Variants in TTC7A observed in about 807,000 individuals in gnomAD.
TTC7A encodes tetratricopeptide repeat domain 7A.
In TTC7A, 110 loss-of-function variants were observed where a neutral mutation model predicts 103.7. That is an observed-to-expected ratio of 1.06 (90% CI 0.91 to 1.24). TTC7A has a LOEUF of 1.24. Ranked by LOEUF, TTC7A falls within the 50% of genes most tolerant of loss-of-function variation. The pLI, the probability that TTC7A is intolerant of heterozygous loss-of-function variation, is 0.00. For synonymous variants in TTC7A, 521 were observed against 467.9 expected, an observed-to-expected ratio of 1.11 and a Z score of -1.47; for missense variants, 1,340 against 1,116.3, an observed-to-expected ratio of 1.20 and a Z score of -2.86.
intron 6 of TTC7A, 115 bp downstream of exon 6, chr2:46,993,643 T>C: frequency 2.1e-6 from 2 of 938,740 alleles, no homozygotes; most frequent in Non-Finnish European, 3.4e-6. Flanking sequence ...TCCTGCCTGC[T>C]TGTGGCAGAG....
chr2:47,047,904 G>A (rs1262450927), intron 16 of TTC7A, among the ~76,000 whole-genome samples: 1 of 152,182 alleles, frequency 6.6e-6, no homozygotes, highest in Non-Finnish European at 1.5e-5. Flanking sequence ...CCTGTCTCCT[G>A]GGAAAGCCAG....
chr2:47,000,995 C>T (rs748752979), intron 8 of TTC7A, among the ~76,000 whole-genome samples: 11 of 152,100 alleles, frequency 7.2e-5, no homozygotes, highest in Non-Finnish European at 1.2e-4. Context: ...ACAGAAGGAG[C>T]CAGGAGTGAA....
chr2:46,924,697 G>C (rs916987790), intron 2 of TTC7A, among the ~76,000 whole-genome samples: 1 of 152,132 alleles, frequency 6.6e-6, no homozygotes, highest in Non-Finnish European at 1.5e-5. Flanking sequence ...TGCGATCTCA[G>C]CACACTGCAG....
chr2:46,927,355 AT>A (rs60808815), intron 2 of TTC7A, among the ~76,000 whole-genome samples: 15,324 of 132,858 alleles, frequency 0.12, 1,049 homozygotes, highest in African/African-American at 0.25. Context: ...AGAAAAAAAG[AT>A]TTTTTTTTTT....
intron 5 of TTC7A, among the ~76,000 whole-genome samples, chr2:46,987,527 G>A (rs1394626364): frequency 6.6e-6 from 1 of 152,212 alleles, no homozygotes; most frequent in Admixed American, 6.5e-5. Context: ...GAGTGGGCAA[G>A]AGCCCATTTC....
chr2:47,028,094 AG>A (rs1421712537), intron 14 of TTC7A, among the ~76,000 whole-genome samples: 19 of 152,126 alleles, frequency 1.2e-4, no homozygotes. Context: ...TTTTGCATCC[AG>A]GGGACTCTTG....
At chr2:47,043,870 A>C (rs575470749) in intron 15 of TTC7A, among the ~76,000 whole-genome samples, 24 of 152,316 alleles carry the variant, frequency 1.6e-4, no homozygotes, top group Non-Finnish European at 3.4e-4. Context: ...CTCAGTTTTC[A>C]TCCACTTCTT....
At chr2:46,919,758 A>C (rs978372076) in intron 2 of TTC7A, among the ~76,000 whole-genome samples, 1 of 152,212 alleles carries the variant, frequency 6.6e-6, no homozygotes, top group South Asian at 2.1e-4. Flanking sequence ...AGAGGAAAAA[A>C]CAAGGGTGCG....
intron 8 of TTC7A, among the ~76,000 whole-genome samples, chr2:46,997,905 C>G (rs1676378272): frequency 6.6e-6 from 1 of 152,142 alleles, no homozygotes; most frequent in Non-Finnish European, 1.5e-5. Context: ...CACCCACCCC[C>G]AAACCCTCCA....
At chr2:46,984,924 G>A (rs1234054360) in intron 5 of TTC7A, among the ~76,000 whole-genome samples, 1 of 152,140 alleles carries the variant, frequency 6.6e-6, no homozygotes, top group East Asian at 1.9e-4. Context: ...TAGTGACAGC[G>A]GGGAGCATAG....
At chr2:47,023,821 T>TCAC (rs985209358) in intron 13 of TTC7A, among the ~76,000 whole-genome samples, 1 of 152,002 alleles carries the variant, frequency 6.6e-6, no homozygotes, top group African/African-American at 2.4e-5. Flanking sequence ...AAAATGGCAT[T>TCAC]CACCTCCTTC....
chr2:46,959,554 T>C (rs913755421), intron 3 of TTC7A, among the ~76,000 whole-genome samples: 55 of 152,240 alleles, frequency 3.6e-4, no homozygotes, highest in African/African-American at 1.3e-3. Flanking sequence ...AACATGGAGC[T>C]GCTGTTCTTT....
At chr2:46,935,818 G>A (rs901991442) in intron 2 of TTC7A, among the ~76,000 whole-genome samples, 3 of 152,132 alleles carry the variant, frequency 2.0e-5, no homozygotes, top group Non-Finnish European at 4.4e-5. Flanking sequence ...TTTTAGGTGT[G>A]ATGGCTCACA....
chr2:47,000,495 C>T lies in TTC7A; in HGVS notation c.1065+5296C>T, dbSNP rs552085711. Among the ~76,000 whole-genome samples the T allele has an allele frequency of 2.6e-5, 4 of 152,314 alleles. No homozygotes were observed. In the East Asian group the frequency reaches 5.8e-4, roughly 22 times the overall value. ...TGTTTTTTCTGCTGCAGGAACCTGA[C>T]GCAGCAGGAGCTCGGAGGCTGGCGT... On this transcript the variant is annotated intron_variant, in intron 8 of 19. Coordinates refer to ENST00000319190, the MANE Select transcript of TTC7A (RefSeq NM_020458.4).
At chr2:46,967,084 G>A (rs574588853) in intron 3 of TTC7A, among the ~76,000 whole-genome samples, 87 of 152,024 alleles carry the variant, frequency 5.7e-4, no homozygotes, top group Non-Finnish European at 9.7e-4. Context: ...GTGGTGGCGC[G>A]TGCCTGTAAT....
chr2:47,064,921 C>T (rs1347476258), intron 19 of TTC7A, among the ~76,000 whole-genome samples: 1 of 152,176 alleles, frequency 6.6e-6, no homozygotes, highest in Admixed American at 6.5e-5. Context: ...CAAGGAAAAA[C>T]AAACAGAACT....
intron 19 of TTC7A, among the ~76,000 whole-genome samples, chr2:47,064,071 T>C (rs1480988621): frequency 6.6e-6 from 1 of 152,250 alleles, no homozygotes; most frequent in African/African-American, 2.4e-5. Context: ...TCTGTGGTTC[T>C]AGCCCTGCTC....
Position 47,073,718 on chromosome 2 carries a change from G to A in TTC7A, c.2372G>A (p.Arg791Gln), listed in dbSNP as rs763453786. The A allele has an allele frequency of 6.8e-6, 11 of 1,613,654 alleles. No homozygotes were observed. Among genetic ancestry groups the A allele is most frequent in the South Asian group, 2.2e-5 (2 of 91,058 alleles). ...CGTCCACAGGGTCTGATGCTGAGTC[G>A]GCTGGGCCACAAGAGCTTGGCCCAG... ...IMHSLGLMLS[R>Q]LGHKSLAQKV... Residue 791 changes from arginine (R) to glutamine (Q), a missense_variant, in exon 20 of 20, where the codon CGG becomes CAG. Arg to Gln is a conservative substitution (Grantham distance 43). Coordinates refer to ENST00000319190, the MANE Select transcript of TTC7A (RefSeq NM_020458.4).
At chr2:46,933,283 C>G (rs1325398138) in intron 2 of TTC7A, among the ~76,000 whole-genome samples, 1 of 152,198 alleles carries the variant, frequency 6.6e-6, no homozygotes, top group African/African-American at 2.4e-5. Context: ...ATATTGGTAT[C>G]TCAATCATGA....
Sources: allele counts gnomAD v4.1 joint callset (sites outside exome capture counted in the v4.1 genomes callset), GRCh38; gene constraint gnomAD v4.1.1; transcripts MANE v1.5; gene names NCBI Gene and HGNC (gene_info 2026-07-23, HGNC 2026-07-21).